The following FBXL17 variants were observed in gnomAD, a reference collection of about 807,000 sequenced individuals.
The protein encoded by FBXL17 is F-box/LRR-repeat protein 17.
A neutral mutation model predicts 66.2 loss-of-function variants in FBXL17; 22 were observed. The observed-to-expected ratio is 0.33, with a 90% confidence interval of 0.24 to 0.47. The LOEUF (loss-of-function observed/expected upper bound fraction) is 0.47, where lower values mean the gene tolerates loss of function less well. Among genes scored for constraint, FBXL17 ranks in the 20% least tolerant of loss-of-function variants. The pLI is 1.00. For missense variants in FBXL17, 878 were observed against 948.2 expected (o/e 0.93, Z 0.97); for synonymous variants, 474 against 400.5 (o/e 1.18, Z -2.19).
intron 4 of FBXL17, among the ~76,000 whole-genome samples, chr5:108,233,353 C>T (rs1303663903): frequency 3.9e-5 from 6 of 152,038 alleles, no homozygotes; most frequent in South Asian, 2.1e-4. Flanking sequence ...GTTGAAAAGA[C>T]GATACACTAT....
chr5:108,009,300 T>G (rs868579095), intron 7 of FBXL17, among the ~76,000 whole-genome samples: 6 of 63,262 alleles, frequency 9.5e-5, no homozygotes, highest in African/African-American at 2.0e-4. Context: ...TATATATATA[T>G]ACATATATAC....
At chr5:108,060,739 CCTAT>C (rs1265949322) in intron 6 of FBXL17, among the ~76,000 whole-genome samples, 1 of 152,106 alleles carries the variant, frequency 6.6e-6, no homozygotes, top group Non-Finnish European at 1.5e-5. Flanking sequence ...CACACACAAT[CCTAT>C]GGCCTCCCTT....
At chr5:108,105,766 T>C (rs993780081) in intron 6 of FBXL17, among the ~76,000 whole-genome samples, 5 of 152,176 alleles carry the variant, frequency 3.3e-5, no homozygotes, top group East Asian at 3.9e-4. Context: ...TAACATTAAC[T>C]ACCCATTACA....
At chr5:107,925,967 T>C (rs1184934272) in intron 7 of FBXL17, among the ~76,000 whole-genome samples, 2 of 152,192 alleles carry the variant, frequency 1.3e-5, no homozygotes, top group Admixed American at 6.6e-5. Context: ...TTTTTGCACA[T>C]AAATTGTGGC....
intron 8 of FBXL17, among the ~76,000 whole-genome samples, chr5:107,870,489 G>GA (rs554136415): frequency 1.3e-5 from 2 of 151,744 alleles, no homozygotes; most frequent in South Asian, 4.2e-4. Flanking sequence ...TAAGGGGAAG[G>GA]AAAAAAAATT....
chr5:108,170,003 AC>A (rs1752547142), intron 6 of FBXL17, among the ~76,000 whole-genome samples: 2 of 152,210 alleles, frequency 1.3e-5, no homozygotes, highest in East Asian at 1.9e-4. Context: ...ATAAATTAAA[AC>A]TAAAAGAAAA....
At chr5:108,272,412 G>T (rs1757314543) in intron 4 of FBXL17, among the ~76,000 whole-genome samples, 1 of 150,516 alleles carries the variant, frequency 6.6e-6, no homozygotes, top group South Asian at 2.1e-4. Flanking sequence ...GGATTGCAGT[G>T]GCACAATCTC....
At chr5:107,862,931 T>C (rs1464831697) in intron 8 of FBXL17, among the ~76,000 whole-genome samples, 1 of 151,446 alleles carries the variant, frequency 6.6e-6, no homozygotes, top group Non-Finnish European at 1.5e-5. Context: ...TAGAAAACTA[T>C]GTTATCTGTT....
chr5:108,363,077 C>T (rs561486835), intron 3 of FBXL17, among the ~76,000 whole-genome samples: 18 of 152,096 alleles, frequency 1.2e-4, no homozygotes, highest in African/African-American at 4.1e-4. Context: ...TAACATAGCA[C>T]TGTCAGTTTA....
At chr5:108,274,870 T>G (rs1757422529) in intron 4 of FBXL17, among the ~76,000 whole-genome samples, 1 of 152,184 alleles carries the variant, frequency 6.6e-6, no homozygotes, top group Admixed American at 6.5e-5. Flanking sequence ...CTTTTACATT[T>G]ATTACAATAT....
chr5:108,034,954 G>C (rs573936524), intron 6 of FBXL17, among the ~76,000 whole-genome samples: 2 of 152,050 alleles, frequency 1.3e-5, no homozygotes, highest in East Asian at 3.9e-4. Flanking sequence ...ATAATGTTTG[G>C]CATTTTGAAG....
At chr5:107,871,054 C>T (rs566543515) in intron 8 of FBXL17, among the ~76,000 whole-genome samples, 905 of 24,860 alleles carry the variant, frequency 0.036, 43 homozygotes, top group African/African-American at 0.21. Context: ...TACTCTTGGG[C>T]GGCAAAAAAA....
intron 6 of FBXL17, among the ~76,000 whole-genome samples, chr5:108,140,342 G>C (rs1170032020): frequency 6.6e-6 from 1 of 152,076 alleles, no homozygotes; most frequent in Non-Finnish European, 1.5e-5. Context: ...ACTGCGCCTG[G>C]CAACCCACCA....
intron 6 of FBXL17, among the ~76,000 whole-genome samples, chr5:108,180,300 C>T (rs1752950487): frequency 6.6e-6 from 1 of 152,072 alleles, no homozygotes; most frequent in Non-Finnish European, 1.5e-5. Context: ...AACTTGAGGT[C>T]AGGAGTTCTA....
rs542907279 is a variant in FBXL17 at position 107,977,269 on chromosome 5, T to C, written c.1822+43656A>G. On this transcript the variant is annotated intron_variant, in intron 7 of 8. Transcript: ENST00000542267. ...ATCTCTGAGTTATCATTTATTTTGT[T>C]TATGGGTTTTCATTTATTTTCTTTG... Among the ~76,000 whole-genome samples the C allele has an allele frequency of 5.5e-4, 84 of 152,304 alleles. 1 individual carries two copies. The highest frequency in any genetic ancestry group is 2.0e-3 in the African/African-American group (82 of 41,560).
At chr5:108,165,084 A>G (rs779048197) in intron 6 of FBXL17, among the ~76,000 whole-genome samples, 1 of 152,212 alleles carries the variant, frequency 6.6e-6, no homozygotes, top group Non-Finnish European at 1.5e-5. Flanking sequence ...TAGAAATAAG[A>G]ATATTTATCA....
At chr5:108,301,495 T>C (rs1323221632) in intron 4 of FBXL17, among the ~76,000 whole-genome samples, 1 of 151,682 alleles carries the variant, frequency 6.6e-6, no homozygotes, top group Non-Finnish European at 1.5e-5. Context: ...ACATTTCTAA[T>C]GGGGAAAAAA....
At chr5:108,335,734 T>G (rs1760348267) in intron 4 of FBXL17, among the ~76,000 whole-genome samples, 1 of 152,178 alleles carries the variant, frequency 6.6e-6, no homozygotes, top group Admixed American at 6.5e-5. Flanking sequence ...ATAATTATAT[T>G]CTTAAAAAAA....
At chr5:107,943,742 T>C (rs1345055640) in intron 7 of FBXL17, among the ~76,000 whole-genome samples, 3 of 152,196 alleles carry the variant, frequency 2.0e-5, no homozygotes, top group African/African-American at 4.8e-5. Context: ...CTTTTGTGTT[T>C]CAGTGGTGAA....
Sources: gnomAD v4.1 joint callset for allele counts (sites outside exome capture counted in the v4.1 genomes callset) on GRCh38, gnomAD v4.1.1 for gene constraint, MANE v1.5 for transcripts, NCBI Gene and HGNC (gene_info 2026-07-23, HGNC 2026-07-21) for gene names.